The following DOK6 variants were observed in gnomAD, a reference collection of about 807,000 sequenced individuals.
DOK6 encodes the protein docking protein 6, also known as downstream of tyrosine kinase 6.
DOK6 carries 22 observed loss-of-function variants against 44.0 expected under a neutral mutation model. The ratio of observed to expected loss-of-function variants is 0.50; its 90% CI spans 0.36 to 0.71. The LOEUF (loss-of-function observed/expected upper bound fraction) is 0.71, where lower values mean the gene tolerates loss of function less well. Ranked by LOEUF, DOK6 falls within the 30% of genes least tolerant of loss-of-function variation. The probability of loss-of-function intolerance (pLI) is 0.00; values close to 1 mark genes in which losing one functional copy is unlikely to be tolerated. For synonymous variants in DOK6, 166 were observed against 145.5 expected (o/e 1.14, Z -1.01); for missense variants, 340 against 416.4 (o/e 0.82, Z 1.60).
Position 69,599,488 on chromosome 18 carries a change from C to G in DOK6, c.279C>G (p.Ala93=), listed in dbSNP as rs758044220. The G allele has an allele frequency of 1.9e-6, 3 of 1,613,590 alleles. No homozygotes were observed. In the South Asian group the frequency reaches 3.3e-5, roughly 18 times the overall value. Reference sequence around the variant, plus strand: ...ACGATGAAACATCGAAGACATTTGCCTGTGAGTCAGGTAAGCTATTATTGG... The same window carrying G: ...ACGATGAAACATCGAAGACATTTGCGTGTGAGTCAGGTAAGCTATTATTGG... ...IFHDETSKTF[A]CESELEAEEW... is the part of the protein sequence containing the mutation. The change falls in exon 3 of 8, where the codon GCC becomes GCG. Residue 93 remains alanine (A), a synonymous_variant. Transcript: ENST00000382713.
At chr18:69,818,489 T>G (rs1981468786) in intron 7 of DOK6, among the ~76,000 whole-genome samples, 1 of 152,140 alleles carries the variant, frequency 6.6e-6, no homozygotes, top group Non-Finnish European at 1.5e-5. Flanking sequence ...AAGCTGGATA[T>G]GGCCTGAAGT....
intron 1 of DOK6, among the ~76,000 whole-genome samples, chr18:69,509,314 G>T (rs1278464207): frequency 6.6e-6 from 1 of 152,102 alleles, no homozygotes; most frequent in African/African-American, 2.4e-5. Context: ...TTAACAAAAT[G>T]TTATGCCGAT....
At chr18:69,745,568 AGT>A (rs1310197239) in intron 6 of DOK6, among the ~76,000 whole-genome samples, 4 of 152,206 alleles carry the variant, frequency 2.6e-5, no homozygotes. Context: ...TGTGATAGGA[AGT>A]GTCAGTTCCT....
At chr18:69,609,445 T>G (rs1439040502) in intron 3 of DOK6, among the ~76,000 whole-genome samples, 1 of 146,950 alleles carries the variant, frequency 6.8e-6, no homozygotes, top group East Asian at 2.1e-4. Context: ...CAATGAGTAT[T>G]ATGAAAATGT....
At chr18:69,558,705 G>A (rs780229753) in intron 1 of DOK6, among the ~76,000 whole-genome samples, 6 of 152,142 alleles carry the variant, frequency 3.9e-5, no homozygotes, top group South Asian at 4.1e-4. Flanking sequence ...TTTAGGTCAC[G>A]AAAAACAAAG....
At chr18:69,628,304 A>T (rs1984606320) in intron 3 of DOK6, among the ~76,000 whole-genome samples, 1 of 152,168 alleles carries the variant, frequency 6.6e-6, no homozygotes, top group Non-Finnish European at 1.5e-5. Context: ...CAGCCTGGCA[A>T]ACTTGGTGAA....
chr18:69,523,832 C>T (rs1220361615), intron 1 of DOK6, among the ~76,000 whole-genome samples: 1 of 151,868 alleles, frequency 6.6e-6, no homozygotes, highest in East Asian at 1.9e-4. Flanking sequence ...ATCTCTTTTA[C>T]TTAAAGTAAT....
intron 1 of DOK6, among the ~76,000 whole-genome samples, chr18:69,517,742 T>TA (rs397825925): frequency 3.3e-5 from 5 of 150,286 alleles, no homozygotes; most frequent in South Asian, 2.1e-4. Flanking sequence ...TTTTTTTTTT[T>TA]AATTTCCCAT....
chr18:69,728,314 T>A (rs1475796874), intron 5 of DOK6, among the ~76,000 whole-genome samples: 2 of 136,598 alleles, frequency 1.5e-5, no homozygotes, highest in East Asian at 3.9e-4. Context: ...TCTCACCCAA[T>A]GCTTTCTAAT....
chr18:69,503,782 G>A (rs1599162515), intron 1 of DOK6, among the ~76,000 whole-genome samples: 2 of 151,852 alleles, frequency 1.3e-5, no homozygotes, highest in African/African-American at 4.8e-5. Flanking sequence ...TGACATATGT[G>A]TCATTTTATA....
At chr18:69,816,223 G>A (rs898858955) in intron 7 of DOK6, among the ~76,000 whole-genome samples, 4 of 152,286 alleles carry the variant, frequency 2.6e-5, no homozygotes, top group Middle Eastern at 6.8e-3. Flanking sequence ...TTCCAGACAC[G>A]AAAGGCCTAC....
At chr18:69,697,909 G>T (rs34995344) in intron 4 of DOK6, among the ~76,000 whole-genome samples, 14,055 of 152,228 alleles carry the variant, frequency 0.092, 953 homozygotes, top group African/African-American at 0.19. Context: ...CAAACTAAAT[G>T]ATTTTTCCAG....
At chr18:69,420,613 G>T (rs1425421636) in intron 1 of DOK6, among the ~76,000 whole-genome samples, 1 of 151,964 alleles carries the variant, frequency 6.6e-6, no homozygotes, top group Non-Finnish European at 1.5e-5. Flanking sequence ...TTTACATTAG[G>T]TATATCTCCT....
At chr18:69,567,321 TA>T (rs572165624) in intron 2 of DOK6, among the ~76,000 whole-genome samples, 1,578 of 152,164 alleles carry the variant, frequency 0.01, 26 homozygotes, top group African/African-American at 0.036. Flanking sequence ...CTTTATTTTT[TA>T]AAAAAATAGG....
chr18:69,727,711 G>C (rs11873810), intron 5 of DOK6, among the ~76,000 whole-genome samples: 1 of 152,262 alleles, frequency 6.6e-6, no homozygotes, highest in East Asian at 1.9e-4. Context: ...TGAAATTGCA[G>C]ATGCTTTACA....
At chr18:69,643,073 G>A (rs1984984245) in intron 3 of DOK6, among the ~76,000 whole-genome samples, 1 of 151,924 alleles carries the variant, frequency 6.6e-6, no homozygotes, top group Admixed American at 6.6e-5. Context: ...ATGGCCCTAT[G>A]GATTCTTTTT....
At chr18:69,686,466 C>T (rs1310293915) in intron 4 of DOK6, among the ~76,000 whole-genome samples, 1 of 152,092 alleles carries the variant, frequency 6.6e-6, no homozygotes, top group Admixed American at 6.5e-5. Context: ...TTCTATAAAG[C>T]TCCACATTTT....
intron 7 of DOK6, among the ~76,000 whole-genome samples, chr18:69,773,047 C>T (rs1473398001): frequency 2.0e-5 from 3 of 151,958 alleles, no homozygotes; most frequent in Non-Finnish European, 4.4e-5. Flanking sequence ...CTTGAACAAA[C>T]ATTTCTCCAA....
At chr18:69,629,522 A>C (rs575206557) in intron 3 of DOK6, among the ~76,000 whole-genome samples, 1 of 152,222 alleles carries the variant, frequency 6.6e-6, no homozygotes, top group African/African-American at 2.4e-5. Flanking sequence ...GAAATTTGCA[A>C]TATAAATGTT....
Sources: gnomAD v4.1 joint callset for allele counts (sites outside exome capture counted in the v4.1 genomes callset) on GRCh38, gnomAD v4.1.1 for gene constraint, MANE v1.5 for transcripts, NCBI Gene and HGNC (gene_info 2026-07-23, HGNC 2026-07-21) for gene names.